UNC79: variants seen among roughly 807,000 people sequenced by gnomAD.
UNC79 encodes unc-79 subunit of NALCN channel complex.
Under a neutral mutation model 283.1 loss-of-function variants are expected in UNC79, and 37 were observed. The ratio of observed to expected loss-of-function variants is 0.13; its 90% CI spans 0.10 to 0.17. The LOEUF is 0.17. Ranked by LOEUF, UNC79 falls within the 10% of genes least tolerant of loss-of-function variation. The pLI, the probability that UNC79 is intolerant of heterozygous loss-of-function variation, is 1.00. For missense variants in UNC79, 2,272 were observed against 3,211.1 expected (o/e 0.71, Z 7.07); for synonymous variants, 1,107 against 1,200.2 (o/e 0.92, Z 1.61).
chr14:93,602,251 T>C (rs1318816945), intron 25 of UNC79, among the ~76,000 whole-genome samples: 1 of 152,216 alleles, frequency 6.6e-6, no homozygotes, highest in Non-Finnish European at 1.5e-5. Context: ...AGATTTAGCC[T>C]TTGATCCATC....
In UNC79 at chr14:93,646,625, C is replaced by T. The variant is rs77267660; in HGVS notation, c.6062C>T (p.Thr2021Ile). ...TTTCCTAGATTGGCATCCAGTACTA[C>T]CTTTTCTAATCAAGCAGAAAGGTAA... The change falls in exon 35 of 49, where the codon ACC becomes ATC. Residue 2021 changes from threonine to isoleucine, a missense_variant. By Grantham distance (89) the Thr-to-Ile change is moderately conservative. This residue lies in a region of UNC79 where 287 missense variants were observed against 446.4 expected (regional missense o/e 0.64). Coordinates refer to ENST00000555664, the Ensembl canonical transcript of UNC79. 292 of 1,613,788 alleles carry T rather than the reference C, an allele frequency of 1.8e-4. No homozygotes were observed. The highest frequency in any genetic ancestry group is 2.2e-4 in the Non-Finnish European group (265 of 1,179,896).
rs2074711587 is a variant in UNC79 at position 93,691,680 on chromosome 14, G to A, written c.7273-69G>A. On this transcript the variant is annotated intron_variant, in intron 45 of 48. Coordinates refer to ENST00000555664, the Ensembl canonical transcript of UNC79. ...CTCCCTGGCAAGACCAAAGCCATGC[G>A]GGAGGACTCCGTGGAGGGCCACAGC... 7 of 1,564,056 alleles carry A rather than the reference G, an allele frequency of 4.5e-6. No individual in the cohort carries two copies. The East Asian group carries it at 9.0e-5, about 20-fold the overall frequency.
chr14:93,364,703 A>C (rs2054294125), intron 1 of UNC79, among the ~76,000 whole-genome samples: 1 of 151,356 alleles, frequency 6.6e-6, no homozygotes. Flanking sequence ...CTTTATTGAG[A>C]TATAATTTAC....
chr14:93,360,620 A>G (rs1334618321), intron 1 of UNC79, among the ~76,000 whole-genome samples: 2 of 152,172 alleles, frequency 1.3e-5, no homozygotes, highest in Admixed American at 1.3e-4. Context: ...GGGTATATCA[A>G]CTTTCCAGCT....
chr14:93,371,309 C>T (rs2054439778), intron 1 of UNC79, among the ~76,000 whole-genome samples: 1 of 151,958 alleles, frequency 6.6e-6, no homozygotes, highest in Admixed American at 6.6e-5. Flanking sequence ...ATTGCTTGAA[C>T]CCAGTAGGTG....
intron 1 of UNC79, among the ~76,000 whole-genome samples, chr14:93,423,062 CAAAAAAAAAAAAA>C (rs71129634): frequency 5.2e-5 from 4 of 77,300 alleles, no homozygotes; most frequent in Admixed American, 1.4e-4. Context: ...GACTCTGTCT[CAAAAAAAAAAAAA>C]AAAAAAAAAA....
chr14:93,613,150 C>T, intron 27 of UNC79, 67 bp downstream of exon 28: 1 of 1,580,438 alleles, frequency 6.3e-7, no homozygotes, highest in Non-Finnish European at 8.6e-7. Flanking sequence ...GCATTACATA[C>T]CATGTAGCCA....
At position 93,369,456 on chromosome 14, in the gene UNC79, A is replaced by C. The variant is rs2054399767; in HGVS notation, c.-351+35933A>C. On this transcript the variant is annotated intron_variant, in intron 1 of 49. Coordinates refer to the UNC79 transcript ENST00000256339. Reference sequence around the variant, plus strand: ...CAATAACTCTTCTTAGATTCATAAGAGAAGTAAGGAAGCAGAGCACACTGC... The same window carrying C: ...CAATAACTCTTCTTAGATTCATAAGCGAAGTAAGGAAGCAGAGCACACTGC... 2.0e-5 allele frequency among the ~76,000 whole-genome samples: 3 copies of C among 152,234 alleles called. No homozygotes were observed. The South Asian group carries it at 6.2e-4, about 32-fold the overall frequency.
At chr14:93,587,026 G>A (rs1013426456) in intron 22 of UNC79, 118 bp downstream of exon 22, 18 of 1,174,716 alleles carry the variant, frequency 1.5e-5, no homozygotes, top group Admixed American at 5.4e-5. Flanking sequence ...AGGACAGCTC[G>A]ATTGCCTATG....
At chr14:93,459,561 T>C (rs1461801125) in intron 1 of UNC79, among the ~76,000 whole-genome samples, 2 of 152,094 alleles carry the variant, frequency 1.3e-5, no homozygotes, top group Non-Finnish European at 2.9e-5. Context: ...TAAAGAACAA[T>C]GTAGTCTGGC....
rs35267402 is a variant in UNC79 at position 93,386,927 on chromosome 14, C to CTTTTTTTTTTTTTTTTTTTTTTTTTTTT, written c.-351+53409_-351+53436dup. Among the ~76,000 whole-genome samples the CTTTTTTTTTTTTTTTTTTTTTTTTTTTT allele has an allele frequency of 1.1e-4, 3 of 27,162 alleles. 1 individual carries two copies. The highest frequency in any genetic ancestry group is 1.7e-4 in the African/African-American group (1 of 5,756). The allele number at this position is 27,162 out of a possible 152,430, so 17.8% of individuals were successfully genotyped here. On this transcript the variant is annotated intron_variant, in intron 1 of 49. Coordinates refer to the UNC79 transcript ENST00000256339. ...TTCATTTCAATTTCATGTATTTCTG[C>CTTTTTTTTTTTTTTTTTTTTTTTTTTTT]TTTTTTTTTTTTTTTTTTTTTTTTT...
At chr14:93,516,034 GTTGGAT>G (rs1361352674) in intron 7 of UNC79, among the ~76,000 whole-genome samples, 2 of 151,992 alleles carry the variant, frequency 1.3e-5, no homozygotes, top group Non-Finnish European at 2.9e-5. Context: ...AGAGGTAAGG[GTTGGAT>G]TTGTTTTTCC....
At chr14:93,600,673 T>C (rs766836302) in exon 25 of UNC79, 2 of 1,614,020 alleles carry the variant, frequency 1.2e-6, no homozygotes, top group Admixed American at 3.3e-5. Flanking sequence ...AGGATATTCC[T>C]GCTCTGAGCT....
intron 1 of UNC79, among the ~76,000 whole-genome samples, chr14:93,435,905 C>G (rs921033509): frequency 6.6e-6 from 1 of 152,200 alleles, no homozygotes; most frequent in Non-Finnish European, 1.5e-5. Flanking sequence ...TGCCTACTTA[C>G]TGCTCAATAC....
chr14:93,662,816 A>G (rs972902118), intron 40 of UNC79, 102 bp downstream of exon 43: 6 of 778,748 alleles, frequency 7.7e-6, no homozygotes, highest in East Asian at 2.7e-5. Flanking sequence ...TTGCTTCCAT[A>G]TAGTTAAAAA....
At chr14:93,389,980 T>C (rs1270198819) in intron 1 of UNC79, among the ~76,000 whole-genome samples, 1 of 152,204 alleles carries the variant, frequency 6.6e-6, no homozygotes, top group Non-Finnish European at 1.5e-5. Context: ...GCTAGAATTC[T>C]CTTGAAACCA....
chr14:93,562,314 T>C (rs1272517280), intron 14 of UNC79, among the ~76,000 whole-genome samples: 1 of 151,842 alleles, frequency 6.6e-6, no homozygotes, highest in Non-Finnish European at 1.5e-5. Flanking sequence ...GAATCTGGAG[T>C]AGGCAAGAGA....
At chr14:93,357,486 C>T (rs535357408) in intron 1 of UNC79, among the ~76,000 whole-genome samples, 6 of 151,686 alleles carry the variant, frequency 4.0e-5, no homozygotes, top group South Asian at 2.1e-4. Context: ...GGCAGAAAAA[C>T]GTGAAAACAC....
chr14:93,538,573 G>A (rs935008080), intron 12 of UNC79, among the ~76,000 whole-genome samples: 5 of 152,134 alleles, frequency 3.3e-5, no homozygotes, highest in Non-Finnish European at 7.3e-5. Flanking sequence ...GGAACTAGGT[G>A]AAGGGGCCAA....
Sources: allele counts gnomAD v4.1 joint callset (sites outside exome capture counted in the v4.1 genomes callset), GRCh38; gene constraint gnomAD v4.1.1; regional missense constraint gnomAD v4.1.1; transcripts MANE v1.5; gene names NCBI Gene and HGNC (gene_info 2026-07-23, HGNC 2026-07-21).